MAGI1: variants seen among roughly 807,000 people sequenced by gnomAD.
MAGI1 encodes the protein membrane-associated guanylate kinase, WW and PDZ domain-containing protein 1.
MAGI1 carries 58 observed loss-of-function variants against 139.9 expected under a neutral mutation model. The ratio of observed to expected loss-of-function variants is 0.41; its 90% CI spans 0.34 to 0.52. MAGI1 has a LOEUF of 0.52. Among genes scored for constraint, MAGI1 ranks in the 20% least tolerant of loss-of-function variants. The pLI is 0.12. For synonymous variants in MAGI1, 812 were observed against 737.9 expected (o/e 1.10, Z -1.63); for missense variants, 1,874 against 1,901.6 (o/e 0.99, Z 0.27).
intron 1 of MAGI1, among the ~76,000 whole-genome samples, chr3:65,997,897 G>A (rs72910939): frequency 0.11 from 16,272 of 152,018 alleles, 1,214 homozygotes; most frequent in African/African-American, 0.21. Context: ...GGTGGCTCCT[G>A]CCTGTAATCC....
intron 21 of MAGI1, among the ~76,000 whole-genome samples, chr3:65,362,595 TA>T (rs1049324611): frequency 5.3e-5 from 8 of 152,214 alleles, no homozygotes; most frequent in Non-Finnish European, 7.3e-5. Context: ...TTTTAAATGT[TA>T]AAAAATTCAT....
At chr3:65,591,402 A>G (rs1474697565) in intron 2 of MAGI1, among the ~76,000 whole-genome samples, 2 of 152,150 alleles carry the variant, frequency 1.3e-5, no homozygotes, top group Admixed American at 6.5e-5. Flanking sequence ...CTCAAAATAT[A>G]TATAACCACT....
At chr3:65,800,277 C>T (rs1433654189) in intron 1 of MAGI1, among the ~76,000 whole-genome samples, 4 of 152,122 alleles carry the variant, frequency 2.6e-5, no homozygotes, top group Non-Finnish European at 5.9e-5. Context: ...GTGGTTCTTA[C>T]ATTTAAAGGT....
chr3:65,562,395 A>G (rs958884906), intron 2 of MAGI1, among the ~76,000 whole-genome samples: 1 of 152,232 alleles, frequency 6.6e-6, no homozygotes, highest in Non-Finnish European at 1.5e-5. Context: ...GTAGAACACT[A>G]TGCATCTTAG....
intron 2 of MAGI1, among the ~76,000 whole-genome samples, chr3:65,567,919 T>C (rs2108051727): frequency 6.6e-6 from 1 of 152,304 alleles, no homozygotes; most frequent in Middle Eastern, 3.4e-3. Flanking sequence ...TGTTATGTGA[T>C]ATTTATATTT....
At chr3:65,359,550 G>C in intron 22 of MAGI1, 2 of 887,276 alleles carry the variant, frequency 2.3e-6, no homozygotes, top group Non-Finnish European at 1.3e-6. Flanking sequence ...GTTAAATTAA[G>C]TACAAAAAAC....
At chr3:65,583,401 C>A in intron 2 of MAGI1, among the ~76,000 whole-genome samples, 1 of 152,134 alleles carries the variant, frequency 6.6e-6, no homozygotes, top group Non-Finnish European at 1.5e-5. Context: ...GGGCTGCTAA[C>A]CAGGATAGAG....
chr3:65,934,071 A>C (rs1226416048), intron 1 of MAGI1, among the ~76,000 whole-genome samples: 1 of 152,128 alleles, frequency 6.6e-6, no homozygotes, highest in African/African-American at 2.4e-5. Context: ...CAGTGAGCTG[A>C]GATCGCGCCA....
chr3:65,801,927 A>C (rs12494220), intron 1 of MAGI1, among the ~76,000 whole-genome samples: 7 of 151,860 alleles, frequency 4.6e-5, no homozygotes, highest in African/African-American at 1.7e-4. Flanking sequence ...GCCTCCTGTG[A>C]TATCAGCAGA....
At chr3:65,560,869 C>T (rs1372048370) in intron 2 of MAGI1, among the ~76,000 whole-genome samples, 2 of 152,160 alleles carry the variant, frequency 1.3e-5, no homozygotes, top group African/African-American at 2.4e-5. Context: ...CTACTACATT[C>T]GCTAATATGA....
intron 1 of MAGI1, among the ~76,000 whole-genome samples, chr3:65,869,640 T>C (rs1435109730): frequency 6.6e-6 from 1 of 152,016 alleles, no homozygotes; most frequent in Non-Finnish European, 1.5e-5. Flanking sequence ...GACTTTGTGA[T>C]CCGCCCACCT....
At chr3:65,501,469 A>AT (rs1299441324) in intron 2 of MAGI1, among the ~76,000 whole-genome samples, 1 of 151,530 alleles carries the variant, frequency 6.6e-6, no homozygotes, top group Non-Finnish European at 1.5e-5. Context: ...AAAAAAAAAA[A>AT]AAAAAATTTA....
chr3:65,913,279 TAATA>T lies in MAGI1; in HGVS notation c.313+124713_313+124716del, dbSNP rs960698979. On this transcript the variant is annotated intron_variant, in intron 1 of 22. Coordinates refer to ENST00000402939, the MANE Select transcript of MAGI1 (RefSeq NM_001033057.2). ...ACTGTCTCAAAAAACAAACAAAAAATAATAAATAAACACTTCCAAGCCATGAAGT... is the reference window on the plus strand; with the variant it reads ...ACTGTCTCAAAAAACAAACAAAAAATAATAAACACTTCCAAGCCATGAAGT... Among the ~76,000 whole-genome samples, 26 of 151,966 alleles carry T rather than the reference TAATA, an allele frequency of 1.7e-4. 1 individual carries two copies. Among genetic ancestry groups the T allele is most frequent in the East Asian group, 1.9e-4 (1 of 5,184 alleles).
intron 1 of MAGI1, among the ~76,000 whole-genome samples, chr3:65,753,346 T>C (rs981816050): frequency 1.3e-5 from 2 of 152,126 alleles, no homozygotes; most frequent in Non-Finnish European, 2.9e-5. Context: ...TACGAAGCAC[T>C]CTCCTGCATA....
chr3:65,465,753 T>C lies in MAGI1; in HGVS notation c.959+4530A>G, dbSNP rs377101697. Among the ~76,000 whole-genome samples, 40 of 152,352 alleles carry C rather than the reference T, an allele frequency of 2.6e-4. 1 individual carries two copies. Among genetic ancestry groups the C allele is most frequent in the African/African-American group, 9.4e-4 (39 of 41,594 alleles). On this transcript the variant is annotated intron_variant, in intron 5 of 22. Transcript: ENST00000402939. Reference sequence around the variant, plus strand: ...CCAGCTTATTGAATCTGTAGGTTTATTTCTTTTGCCAAATTCAGAAAATTT... The same window carrying C: ...CCAGCTTATTGAATCTGTAGGTTTACTTCTTTTGCCAAATTCAGAAAATTT...
At chr3:66,006,793 T>C (rs1366835069) in intron 1 of MAGI1, among the ~76,000 whole-genome samples, 1 of 148,962 alleles carries the variant, frequency 6.7e-6, no homozygotes, top group African/African-American at 2.5e-5. Context: ...CGGTCCTCTC[T>C]TTGAAGAACA....
At chr3:65,994,840 T>G (rs913677511) in intron 1 of MAGI1, among the ~76,000 whole-genome samples, 1 of 152,202 alleles carries the variant, frequency 6.6e-6, no homozygotes, top group Non-Finnish European at 1.5e-5. Flanking sequence ...ACTGAGGCTA[T>G]CTAGCCAACA....
intron 13 of MAGI1, among the ~76,000 whole-genome samples, chr3:65,393,931 T>C (rs193246747): frequency 1.2e-3 from 176 of 152,322 alleles, no homozygotes; most frequent in African/African-American, 4.0e-3. Flanking sequence ...ACTTGATTCT[T>C]CTTCCTGAAC....
At chr3:65,910,855 C>CTTTTTTTCTTTTTTTTT (rs2061634666) in intron 1 of MAGI1, among the ~76,000 whole-genome samples, 1 of 59,484 alleles carries the variant, frequency 1.7e-5, no homozygotes, top group Non-Finnish European at 2.7e-5. Context: ...ACATGGTGGA[C>CTTTTTTTCTTTTTTTTT]TTTTTTTTTT....
Sources: allele counts gnomAD v4.1 joint callset (sites outside exome capture counted in the v4.1 genomes callset), GRCh38; gene constraint gnomAD v4.1.1; transcripts MANE v1.5; gene names NCBI Gene and HGNC (gene_info 2026-07-23, HGNC 2026-07-21).